LYRM4: variants seen among roughly 807,000 people sequenced by gnomAD.
The protein encoded by LYRM4 is LYR motif-containing protein 4.
LYRM4 carries 9 observed loss-of-function variants against 11.7 expected under a neutral mutation model. The observed-to-expected ratio is 0.77, with a 90% CI of 0.46 to 1.34. The LOEUF (loss-of-function observed/expected upper bound fraction) is 1.34. LYRM4 is among the 40% of genes most tolerant of loss of function. LYRM4 has a pLI of 0.00. For synonymous variants in LYRM4, 42 were observed against 40.4 expected (o/e 1.04, Z -0.15); for missense variants, 133 against 112.5 (o/e 1.18, Z -0.82).
chr6:5,136,987 T>A, intron 2 of LYRM4: 1 of 319,996 alleles, frequency 3.1e-6, no homozygotes. Flanking sequence ...ATTAGTCGCC[T>A]TTCAAATGTC....
intron 2 of LYRM4, among the ~76,000 whole-genome samples, chr6:5,148,861 G>A (rs568677801): frequency 4.9e-4 from 75 of 152,240 alleles, no homozygotes; most frequent in Non-Finnish European, 9.3e-4. Context: ...TTTGTAGCGC[G>A]CTTCCAAGTA....
At chr6:5,121,122 C>T (rs1007903516) in intron 2 of LYRM4, among the ~76,000 whole-genome samples, 8 of 152,176 alleles carry the variant, frequency 5.3e-5, no homozygotes, top group Non-Finnish European at 1.2e-4. Context: ...CCCTGCCCTG[C>T]AATGGAGTGC....
At chr6:5,053,578 T>C in the LYRM4 span, among the ~76,000 whole-genome samples, 2 of 151,468 alleles carry the variant, frequency 1.3e-5, no homozygotes, top group Non-Finnish European at 2.9e-5. Context: ...CAGCGAGCTA[T>C]AATCCTGCCA....
chr6:5,190,627 C>G (rs1013036812), intron 2 of LYRM4, among the ~76,000 whole-genome samples: 1 of 151,950 alleles, frequency 6.6e-6, no homozygotes, highest in African/African-American at 2.4e-5. Context: ...TGACAGCAGT[C>G]CCATGAAATT....
the LYRM4 span, chr6:5,085,169 A>G: frequency 2.7e-6 from 1 of 375,446 alleles, no homozygotes; most frequent in South Asian, 5.5e-5. Context: ...ACTCGGGAAC[A>G]CGGCTTCCAG....
At chr6:5,203,500 C>T (rs141306920) in intron 2 of LYRM4, among the ~76,000 whole-genome samples, 1 of 152,272 alleles carries the variant, frequency 6.6e-6, no homozygotes, top group East Asian at 1.9e-4. Context: ...TTCCTGAAGC[C>T]TTTATTTCAC....
At chr6:5,230,244 GACC>G (rs770006236) in intron 1 of LYRM4, among the ~76,000 whole-genome samples, 2 of 152,160 alleles carry the variant, frequency 1.3e-5, no homozygotes, top group Non-Finnish European at 2.9e-5. Context: ...ACTCAAAGAT[GACC>G]ACATGCTTCA....
At chr6:5,080,570 A>G in the LYRM4 span, among the ~76,000 whole-genome samples, 1 of 152,164 alleles carries the variant, frequency 6.6e-6, no homozygotes, top group Non-Finnish European at 1.5e-5. Context: ...GAGCATCCGA[A>G]CCGGGAGCAC....
At chr6:5,109,660 C>A (rs1286441199) in intron 2 of LYRM4, among the ~76,000 whole-genome samples, 169 bp from the exon 3 acceptor site, 3 of 152,238 alleles carry the variant, frequency 2.0e-5, no homozygotes, top group South Asian at 2.1e-4. Flanking sequence ...CACCATCCAA[C>A]CCCCGTTTCC....
Position 5,108,874 on chromosome 6 carries a change from T to G in LYRM4, c.*549A>C, listed in dbSNP as rs1266145680. The G allele has an allele frequency of 5.1e-6, 5 of 987,952 alleles. No homozygotes were observed. In the South Asian group the frequency reaches 1.9e-4, roughly 37 times the overall value. The allele number at this position is 987,952 out of a possible 1,614,324, so 61.2% of individuals were successfully genotyped here. On this transcript the variant is annotated 3_prime_UTR_variant, in exon 3 of 3. Transcript: ENST00000330636. Reference sequence around the variant, plus strand: ...CTGGGCTCAGGTATAAGTTGCAGGGTGCACCGTGTATCCCCGTAGCCCTGC... The same window carrying G: ...CTGGGCTCAGGTATAAGTTGCAGGGGGCACCGTGTATCCCCGTAGCCCTGC...
the LYRM4 span, among the ~76,000 whole-genome samples, chr6:5,091,354 T>C: frequency 6.6e-6 from 1 of 152,232 alleles, no homozygotes; most frequent in Non-Finnish European, 1.5e-5. Flanking sequence ...GACCACAAAA[T>C]AGACACCTTC....
rs542023782 is a variant in LYRM4, at chr6:5,186,966, A to G, written c.207+29652T>C. ...TCCAATGCACTCCAGCCTGGGCGAC[A>G]GAGTGAGAGTCCATCTTAAAAAAAA... On this transcript the variant is annotated intron_variant, in intron 2 of 2. Coordinates refer to ENST00000330636, the MANE Select transcript of LYRM4 (RefSeq NM_020408.6). The G allele has an allele frequency of 9.2e-6, 6 of 655,018 alleles. No individual in the cohort carries two copies. The African/African-American group carries it at 1.2e-4, about 13-fold the overall frequency. 40.6% of individuals were successfully genotyped at this position (655,018 alleles called of 1,614,324 possible).
intron 2 of LYRM4, among the ~76,000 whole-genome samples, chr6:5,144,807 C>G (rs569418455): frequency 6.6e-6 from 1 of 152,186 alleles, no homozygotes; most frequent in African/African-American, 2.4e-5. Context: ...GGCTGCCCGG[C>G]CTTCCCTGCA....
At chr6:5,207,554 G>A (rs1279167566) in intron 2 of LYRM4, among the ~76,000 whole-genome samples, 2 of 152,172 alleles carry the variant, frequency 1.3e-5, no homozygotes, top group African/African-American at 4.8e-5. Context: ...AGTCAACTTT[G>A]ATTACTTGAA....
the LYRM4 span, among the ~76,000 whole-genome samples, chr6:5,098,471 G>C: frequency 2.0e-5 from 3 of 152,154 alleles, no homozygotes; most frequent in African/African-American, 7.2e-5. Context: ...ACATACCCTC[G>C]GAGTGGGCCT....
chr6:5,130,563 C>T (rs1297851471), intron 2 of LYRM4, among the ~76,000 whole-genome samples: 1 of 152,178 alleles, frequency 6.6e-6, no homozygotes, highest in Admixed American at 6.5e-5. Flanking sequence ...GAAATATTGC[C>T]TAAGGGAATC....
chr6:5,033,083 C>G, the LYRM4 span: 1 of 152,374 alleles, frequency 6.6e-6, no homozygotes, highest in Non-Finnish European at 1.5e-5. Context: ...CTTCCCCTCC[C>G]CCACTCCCGT....
At chr6:5,189,235 T>C (rs1480649779) in intron 2 of LYRM4, among the ~76,000 whole-genome samples, 1 of 152,256 alleles carries the variant, frequency 6.6e-6, no homozygotes, top group Non-Finnish European at 1.5e-5. Flanking sequence ...TTTATTTGTT[T>C]TGGAGAAATT....
At chr6:5,133,418 C>T (rs1451148274) in intron 2 of LYRM4, among the ~76,000 whole-genome samples, 1 of 152,178 alleles carries the variant, frequency 6.6e-6, no homozygotes, top group Non-Finnish European at 1.5e-5. Flanking sequence ...TAGCACGCCA[C>T]CACCACCTGT....
Sources: gnomAD v4.1 joint callset for allele counts (sites outside exome capture counted in the v4.1 genomes callset) on GRCh38, gnomAD v4.1.1 for gene constraint, MANE v1.5 for transcripts, NCBI Gene and HGNC (gene_info 2026-07-23, HGNC 2026-07-21) for gene names.